The following PCDHA9 variants were observed in gnomAD, a reference collection of about 807,000 sequenced individuals.
PCDHA9 encodes the protein protocadherin alpha-9.
A neutral mutation model predicts 62.0 loss-of-function variants in PCDHA9; 62 were observed. The ratio of observed to expected loss-of-function variants is 1.00; its 90% CI spans 0.81 to 1.23. The LOEUF is 1.23. PCDHA9 is among the 50% of genes most tolerant of loss of function. PCDHA9 has a pLI of 0.00. For synonymous variants in PCDHA9, 557 were observed against 567.6 expected (o/e 0.98, Z 0.27); for missense variants, 1,205 against 1,249.8 (o/e 0.96, Z 0.54).
intron 1 of PCDHA9, among the ~76,000 whole-genome samples, chr5:140,909,836 C>T (rs2074710574): frequency 6.6e-6 from 1 of 152,176 alleles, no homozygotes; most frequent in South Asian, 2.1e-4. Flanking sequence ...ACTGGAGGAC[C>T]ACCAGGACGT....
rs782673398 is a variant in PCDHA9, at chr5:140,875,932, C to A, written c.2394+25043C>A. ...TGCGCCTCTGGACTCTCATTTTCCTCTAGAGGGCGCTTCTGATGCGGATAT... is the reference window on the plus strand; with the variant it reads ...TGCGCCTCTGGACTCTCATTTTCCTATAGAGGGCGCTTCTGATGCGGATAT... On this transcript the variant is annotated intron_variant, in intron 1 of 3. Coordinates refer to ENST00000532602, the MANE Select transcript of PCDHA9 (RefSeq NM_031857.2). The A allele has an allele frequency of 3.1e-6, 5 of 1,614,154 alleles. No individual in the cohort carries two copies.
chr5:140,876,493 C>T (rs1554168608), intron 1 of PCDHA9: 2 of 1,614,008 alleles, frequency 1.2e-6, no homozygotes, highest in Admixed American at 3.3e-5. Context: ...GGTGGAAGTT[C>T]TGGACGTGAA....
chr5:140,876,231 A>C (rs1428769390), intron 1 of PCDHA9: 4 of 1,614,004 alleles, frequency 2.5e-6, no homozygotes, highest in Non-Finnish European at 3.4e-6. Flanking sequence ...TGTTGTCTGA[A>C]AATGTCCAAA....
chr5:140,849,603 G>A lies in PCDHA9; in HGVS notation c.1108G>A (p.Ala370Thr), dbSNP rs2150442213. Residue 370 changes from alanine (A) to threonine (T), a missense_variant, in exon 1 of 4, where the codon GCC (alanine) becomes ACC (threonine). Physicochemically the swap from Ala to Thr is moderately conservative, Grantham distance 58 (BLOSUM62 0). Transcript: ENST00000532602. ...GGACGCACAACTGGGGACAGTTATT[G>A]CCCTGATTAGTGTGATCGACCTAGA... Reference protein sequence around the residue: ...KEDAQLGTVIALISVIDLDAD... With the variant: ...KEDAQLGTVITLISVIDLDAD... The A allele has an allele frequency of 3.8e-5, 60 of 1,598,580 alleles. 9 individuals are homozygous for A. Among genetic ancestry groups the A allele is most frequent in the Non-Finnish European group, 5.1e-5 (59 of 1,167,940 alleles).
intron 3 of PCDHA9, among the ~76,000 whole-genome samples, chr5:141,007,690 C>T (rs2098341020): frequency 6.6e-6 from 1 of 152,224 alleles, no homozygotes; most frequent in Non-Finnish European, 1.5e-5. Flanking sequence ...CCTACTTCCA[C>T]CTCCCTCCTC....
chr5:140,875,198 G>T (rs782209612), intron 1 of PCDHA9: 16 of 552,110 alleles, frequency 2.9e-5, no homozygotes, highest in Non-Finnish European at 4.5e-5. Flanking sequence ...GACCCAGGAA[G>T]TGGCTAAACC....
chr5:140,873,776 T>C (rs1001856431), intron 1 of PCDHA9, among the ~76,000 whole-genome samples: 13 of 152,208 alleles, frequency 8.5e-5, no homozygotes, highest in Non-Finnish European at 1.9e-4. Context: ...TTCTCCTGCC[T>C]CAGCTTTCCG....
intron 1 of PCDHA9, among the ~76,000 whole-genome samples, chr5:140,970,569 C>T (rs1346474165): frequency 3.9e-5 from 6 of 152,038 alleles, no homozygotes; most frequent in African/African-American, 1.4e-4. Flanking sequence ...CATATGTATG[C>T]TTGAAATAAC....
In PCDHA9 at chr5:140,848,677, C is replaced by A. The variant is rs142354028; in HGVS notation, c.182C>A (p.Pro61Gln). 4.6e-4 allele frequency: 738 copies of A among 1,592,248 alleles called. 63 individuals carry two copies. The East Asian group carries it at 6.0e-3, about 13-fold the overall frequency. ...GGGCTGGAGCTGGCGGAGCTGGTGC[C>A]GCGCCTGTTCCAGTTGGATTCCAAA... ...DLGLELAELV[P>Q]RLFQLDSKGR... Residue 61 changes from proline (P) to glutamine (Q), a missense_variant, in exon 1 of 4, where the codon CCG (proline) becomes CAG (glutamine). Around this residue, in one of 3 missense-constraint regions of PCDHA9, gnomAD observed 208 missense variants for 213.2 expected, o/e 0.98. Transcript: ENST00000532602.
chr5:140,883,724 G>T (rs1174982763), intron 1 of PCDHA9: 2 of 1,613,492 alleles, frequency 1.2e-6, no homozygotes, highest in Non-Finnish European at 1.7e-6. Context: ...GGACGCACAG[G>T]AGAACGCGCT....
intron 1 of PCDHA9, among the ~76,000 whole-genome samples, chr5:140,971,061 G>A (rs2096454888): frequency 6.6e-6 from 1 of 152,154 alleles, no homozygotes; most frequent in Non-Finnish European, 1.5e-5. Context: ...TTTAAATAAG[G>A]TTGCTGTAGA....
At chr5:140,877,189 G>A in intron 1 of PCDHA9, 1 of 1,613,808 alleles carries the variant, frequency 6.2e-7, no homozygotes, top group Non-Finnish European at 8.5e-7. Flanking sequence ...GGCTGGCAGC[G>A]CAGGAGGCGC....
intron 1 of PCDHA9, among the ~76,000 whole-genome samples, chr5:140,961,121 T>A (rs551567804): frequency 6.6e-6 from 1 of 152,330 alleles, no homozygotes; most frequent in African/African-American, 2.4e-5. Context: ...TGCATCTTAA[T>A]GTCTTGGCAC....
At chr5:140,900,807 A>G (rs868976984) in intron 1 of PCDHA9, among the ~76,000 whole-genome samples, 1 of 152,176 alleles carries the variant, frequency 6.6e-6, no homozygotes, top group South Asian at 2.1e-4. Flanking sequence ...TAGTGCTTGT[A>G]CTAATTTACA....
chr5:140,947,738 T>C (rs2153680991), intron 1 of PCDHA9, among the ~76,000 whole-genome samples: 1 of 151,740 alleles, frequency 6.6e-6, no homozygotes, highest in South Asian at 2.1e-4. Context: ...GTAATACCTA[T>C]TCTTATGTAT....
intron 1 of PCDHA9, chr5:140,863,004 GC>G (rs781788283): frequency 1.8e-6 from 1 of 551,012 alleles, no homozygotes; most frequent in Non-Finnish European, 3.6e-6. Context: ...GTGGACTCCA[GC>G]TATGACGCCT....
At chr5:140,856,514 G>A in intron 1 of PCDHA9, 1 of 1,598,422 alleles carries the variant, frequency 6.3e-7, no homozygotes. Context: ...ACTAGAAGGC[G>A]CATCTGATGC....
chr5:140,903,339 A>T (rs1176958912), intron 1 of PCDHA9, among the ~76,000 whole-genome samples: 1 of 152,206 alleles, frequency 6.6e-6, no homozygotes, highest in African/African-American at 2.4e-5. Context: ...GAAAGGATGC[A>T]TTTTAAAAAA....
intron 1 of PCDHA9, among the ~76,000 whole-genome samples, chr5:140,941,255 C>CTTTCTTTCTTTCTT (rs782490896): frequency 4.1e-3 from 183 of 44,496 alleles, no homozygotes; most frequent in African/African-American, 4.7e-3. Context: ...TTCTTTCTTT[C>CTTTCTTTCTTTCTT]TCTTTCTTTC....
Sources: gnomAD v4.1 joint callset for allele counts (sites outside exome capture counted in the v4.1 genomes callset) on GRCh38, gnomAD v4.1.1 for gene constraint, gnomAD v4.1.1 regional missense constraint, MANE v1.5 for transcripts, NCBI Gene and HGNC (gene_info 2026-07-23, HGNC 2026-07-21) for gene names.